The following MGAM variants were observed in gnomAD, a reference collection of about 807,000 sequenced individuals.
MGAM encodes maltase-glucoamylase, also known as alpha-1,4-glucosidase.
A neutral mutation model predicts 358.8 loss-of-function variants in MGAM; 253 were observed. The observed-to-expected ratio is 0.71, with a 90% CI of 0.64 to 0.78. The LOEUF (loss-of-function observed/expected upper bound fraction) is 0.78, where lower values mean the gene tolerates loss of function less well. Ranked by LOEUF, MGAM falls within the 30% of genes least tolerant of loss-of-function variation. The pLI, the probability that MGAM is intolerant of heterozygous loss-of-function variation, is 0.00. For synonymous variants in MGAM, 1,105 were observed against 1,227.1 expected (o/e 0.90, Z 2.08); for missense variants, 3,080 against 3,432.6 (o/e 0.90, Z 2.57).
intron 14 of MGAM, among the ~76,000 whole-genome samples, chr7:142,033,959 T>G (rs1554464830): frequency 6.6e-6 from 1 of 152,236 alleles, no homozygotes; most frequent in African/African-American, 2.4e-5. Context: ...CCACTTAACT[T>G]AGCTCAGTTT....
intron 1 of MGAM, among the ~76,000 whole-genome samples, chr7:141,998,484 C>T (rs1804455346): frequency 6.6e-6 from 1 of 152,158 alleles, no homozygotes; most frequent in Non-Finnish European, 1.5e-5. Context: ...TCAACTTCCA[C>T]TTATGAGTGA....
At chr7:142,074,202 T>G (rs774879155) in intron 45 of MGAM, 29 bp downstream of exon 45, 2 of 1,411,724 alleles carry the variant, frequency 1.4e-6, no homozygotes, top group African/African-American at 1.4e-5. Context: ...ATGTTGCTGT[T>G]TCCCAACCTG....
intron 2 of MGAM, among the ~76,000 whole-genome samples, chr7:141,986,703 C>G (rs1803718579): frequency 6.6e-6 from 1 of 152,132 alleles, no homozygotes; most frequent in African/African-American, 2.4e-5. Context: ...CATTTGCATA[C>G]TATTATATTA....
intron 21 of MGAM, among the ~76,000 whole-genome samples, chr7:142,044,960 G>T (rs1452684908): frequency 1.0e-5 from 1 of 97,882 alleles, no homozygotes; most frequent in Non-Finnish European, 1.9e-5. Flanking sequence ...TTATATACAC[G>T]TGTAATATAT....
rs60348346 is a variant in MGAM at position 142,027,624 on chromosome 7, A to C, written c.1110A>C (p.Pro370=). 7,461 of 1,613,694 alleles carry C rather than the reference A, an allele frequency of 4.6e-3. 248 individuals are homozygous for C. The African/African-American group carries it at 0.078, about 17-fold the overall frequency. The change falls in exon 10 of 71, where the codon CCA becomes CCC. Residue 370 remains proline (P), a synonymous_variant. Coordinates refer to ENST00000475668, the MANE Select transcript of MGAM (RefSeq NM_001365693.1). Reference sequence around the variant, plus strand: ...ATTTCTTTCAGCTCATTGGGCGGCCAGCCCTTCCCTCCTACTGGGCGCTTG... The same window carrying C: ...ATTTCTTTCAGCTCATTGGGCGGCCCGCCCTTCCCTCCTACTGGGCGCTTG... ...VQEYLELIGR[P]ALPSYWALGF...
intron 36 of MGAM, 147 bp downstream of exon 36, chr7:142,063,733 C>G (rs536703763): frequency 1.0e-6 from 1 of 956,940 alleles, no homozygotes; most frequent in African/African-American, 1.7e-5. Context: ...AAGCTCTGCA[C>G]GTGCTTTACC....
Position 142,082,557 on chromosome 7 carries a change from A to G in MGAM, c.6254A>G (p.Asn2085Ser), listed in dbSNP as rs1304932710. ...DGSAHGVLLLNSNAMDVTFQP... is the reference protein window; with the variant it reads ...DGSAHGVLLLSSNAMDVTFQP... ...AGTGCCCATGGAGTGCTCCTGCTGA[A>G]CAGCAATGCCATGGGTAAGGCCATC... Residue 2085 changes from asparagine to serine, a missense_variant, in exon 52 of 71, where the codon AAC becomes AGC. This residue lies in a region of MGAM where 932 missense variants were observed against 1,198.2 expected (regional missense o/e 0.78). Transcript: ENST00000475668. 6.6e-7 allele frequency: 1 copy of G among 1,522,098 alleles called. No individual in the cohort carries two copies. Among genetic ancestry groups the G allele is most frequent in the Non-Finnish European group, 9.0e-7 (1 of 1,115,202 alleles). 94.3% of individuals were successfully genotyped at this position (1,522,098 alleles called of 1,614,324 possible).
At chr7:142,081,975 A>T in intron 50 of MGAM, 67 bp from the exon 51 acceptor site, 1 of 1,455,824 alleles carries the variant, frequency 6.9e-7, no homozygotes. Context: ...TGTCCTTGAA[A>T]AGTCAGCTGC....
chr7:142,097,560 C>G, intron 65 of MGAM, 33 bp from the exon 66 acceptor site: 2 of 1,593,698 alleles, frequency 1.3e-6, no homozygotes, highest in Middle Eastern at 1.7e-4. Context: ...GAAAATGGTG[C>G]CACTGCCACA....
chr7:142,056,465 G>A (rs371454616), intron 29 of MGAM, among the ~76,000 whole-genome samples: 4 of 152,088 alleles, frequency 2.6e-5, no homozygotes, highest in South Asian at 2.1e-4. Flanking sequence ...ATTACCTATC[G>A]GGTACTCTGC....
At chr7:142,071,184 C>A in intron 44 of MGAM, 66 bp downstream of exon 44, 1 of 1,473,286 alleles carries the variant, frequency 6.8e-7, no homozygotes, top group Non-Finnish European at 9.3e-7. Flanking sequence ...ATGAAGTCTA[C>A]CAAAATGTAA....
At chr7:142,058,139 T>C (rs1811738697) in intron 30 of MGAM, 64 bp from the exon 31 acceptor site, 6 of 1,606,344 alleles carry the variant, frequency 3.7e-6, no homozygotes, top group Non-Finnish European at 5.1e-6. Context: ...TTCTTATTAC[T>C]TGATGTAAAA....
rs75259406 is a variant in MGAM at position 142,064,778 on chromosome 7, A to T, written c.4484+256A>T. Reference sequence around the variant, plus strand: ...AATGATCCTAGTGGGAAAGACTCACATGGAGACACCATAATGGTCACACAG... The same window carrying T: ...AATGATCCTAGTGGGAAAGACTCACTTGGAGACACCATAATGGTCACACAG... On this transcript the variant is annotated intron_variant, in intron 37 of 70. Coordinates refer to ENST00000475668, the MANE Select transcript of MGAM (RefSeq NM_001365693.1). Among the ~76,000 whole-genome samples, 806 of 152,318 alleles carry T rather than the reference A, an allele frequency of 5.3e-3. 29 individuals carry two copies. The South Asian group carries it at 0.079, about 15-fold the overall frequency.
chr7:142,030,836 G>A, intron 12 of MGAM, 79 bp downstream of exon 12: 1 of 838,602 alleles, frequency 1.2e-6, no homozygotes, highest in Non-Finnish European at 2.0e-6. Flanking sequence ...GTGTGTGTGT[G>A]TGTGCATGTA....
chr7:142,097,823 C>T (rs1312162424), intron 66 of MGAM, among the ~76,000 whole-genome samples, 174 bp downstream of exon 66: 1 of 152,134 alleles, frequency 6.6e-6, no homozygotes. Flanking sequence ...TGGAGTAAGA[C>T]CACTTCCCTC....
intron 17 of MGAM, 146 bp from the exon 18 acceptor site, chr7:142,036,674 TTGG>T: frequency 1.3e-6 from 1 of 755,892 alleles, no homozygotes; most frequent in Non-Finnish European, 2.2e-6. Flanking sequence ...GGAGAGACAC[TTGG>T]TACTACTCAG....
At chr7:142,027,061 T>TA (rs1330223230) in intron 8 of MGAM, 54 bp from the exon 9 acceptor site, 1 of 1,306,022 alleles carries the variant, frequency 7.7e-7, no homozygotes. Context: ...AACTTGTAGT[T>TA]ACTATTCAAG....
intron 7 of MGAM, 108 bp from the exon 8 acceptor site, chr7:142,024,942 G>C: frequency 1.4e-6 from 1 of 707,028 alleles, no homozygotes; most frequent in Non-Finnish European, 2.5e-6. Context: ...GACCCTGAAT[G>C]TCCTGTCAAT....
intron 20 of MGAM, chr7:142,040,480 A>G (rs1808409998): frequency 1.7e-6 from 1 of 594,210 alleles, no homozygotes; most frequent in Admixed American, 3.2e-5. Context: ...ATCTGTTTAA[A>G]ACTATCAGTT....
Sources: gnomAD v4.1 joint callset for allele counts (sites outside exome capture counted in the v4.1 genomes callset) on GRCh38, gnomAD v4.1.1 for gene constraint, gnomAD v4.1.1 regional missense constraint, MANE v1.5 for transcripts, NCBI Gene and HGNC (gene_info 2026-07-23, HGNC 2026-07-21) for gene names.